Variants in TRAPPC9 observed in about 807,000 individuals in gnomAD.
The protein encoded by TRAPPC9 is trafficking protein particle complex subunit 9, also known as IKK2 binding protein.
TRAPPC9 carries 83 observed loss-of-function variants against 124.0 expected under a neutral mutation model. That is an observed-to-expected ratio of 0.67 (90% CI 0.56 to 0.80). The LOEUF (loss-of-function observed/expected upper bound fraction) is 0.80, where lower values mean the gene tolerates loss of function less well. TRAPPC9 is among the 30% of genes least tolerant of loss of function. The probability of loss-of-function intolerance (pLI) is 0.00; values close to 1 mark genes in which losing one functional copy is unlikely to be tolerated. For synonymous variants in TRAPPC9, 638 were observed against 617.5 expected, an observed-to-expected ratio of 1.03 and a Z score of -0.49; for missense variants, 1,302 against 1,508.3, an observed-to-expected ratio of 0.86 and a Z score of 2.27.
At chr8:140,202,599 C>G (rs1272812872) in intron 17 of TRAPPC9, among the ~76,000 whole-genome samples, 1 of 152,118 alleles carries the variant, frequency 6.6e-6, no homozygotes, top group Non-Finnish European at 1.5e-5. Context: ...TTAAATCAGG[C>G]AAAGATTATC....
chr8:140,006,111 C>A (rs1838730714), intron 18 of TRAPPC9, among the ~76,000 whole-genome samples: 1 of 152,110 alleles, frequency 6.6e-6, no homozygotes, highest in African/African-American at 2.4e-5. Context: ...TGAGTCAACA[C>A]ATGGCTATTC....
chr8:140,413,716 T>A (rs2069792804), intron 5 of TRAPPC9, among the ~76,000 whole-genome samples: 1 of 139,256 alleles, frequency 7.2e-6, no homozygotes, highest in East Asian at 2.3e-4. Flanking sequence ...TGTGTCCATA[T>A]GTTCTCATTG....
rs530201993 is a variant in TRAPPC9, at chr8:139,730,729, C to A, written c.*332G>T. 2.6e-6 allele frequency: 1 copy of A among 380,346 alleles called. No homozygotes were observed. The highest frequency in any genetic ancestry group is 4.9e-6 in the Non-Finnish European group (1 of 203,256). 23.6% of individuals were successfully genotyped at this position (380,346 alleles called of 1,614,324 possible). A position where few individuals can be genotyped will look rare whatever the true frequency, so the allele number is the denominator to read the frequency against. ...CTCTGCTGGGATGAGCAGCACAGCA[C>A]GGCTGGGGCCCCAGGTCACAGAAAT... On this transcript the variant is annotated 3_prime_UTR_variant, in exon 23 of 23. Coordinates refer to ENST00000438773, the MANE Select transcript of TRAPPC9 (RefSeq NM_001160372.4).
intron 21 of TRAPPC9, among the ~76,000 whole-genome samples, chr8:139,768,387 C>T (rs963678893): frequency 9.9e-5 from 15 of 152,176 alleles, no homozygotes; most frequent in Middle Eastern, 3.2e-3. Context: ...ACTGGGGGCA[C>T]GGGGCAGGCA....
intron 21 of TRAPPC9, among the ~76,000 whole-genome samples, chr8:139,835,442 G>A (rs1826269446): frequency 6.6e-6 from 1 of 152,236 alleles, no homozygotes; most frequent in Non-Finnish European, 1.5e-5. Flanking sequence ...GCCCCATTGT[G>A]TCACTGTGAT....
In TRAPPC9 at chr8:139,789,470, TC is replaced by T. The variant is rs972203372; in HGVS notation, c.3056-57269del. Among the ~76,000 whole-genome samples the T allele has an allele frequency of 2.2e-3, 327 of 151,072 alleles. 1 individual carries two copies. The highest frequency in any genetic ancestry group is 7.5e-3 in the African/African-American group (310 of 41,104). ...ACATGCCTGTTTAGATGTGGCCTCA[TC>T]CCCCCCCAGGATATCTACATCTCAG... is the stretch of plus-strand genomic sequence containing the variant. On this transcript the variant is annotated intron_variant, in intron 21 of 22. Transcript: ENST00000438773.
intron 17 of TRAPPC9, among the ~76,000 whole-genome samples, chr8:140,220,515 G>T (rs2063314483): frequency 6.6e-6 from 1 of 152,190 alleles, no homozygotes; most frequent in Non-Finnish European, 1.5e-5. Context: ...CCCAAAAGGG[G>T]AGAGGACTCT....
intron 17 of TRAPPC9, among the ~76,000 whole-genome samples, chr8:140,131,589 G>A (rs1170712948): frequency 4.6e-5 from 7 of 152,182 alleles, no homozygotes; most frequent in Admixed American, 1.3e-4. Context: ...ACTGCACACC[G>A]CTTCTCCTAG....
At chr8:139,998,931 T>A (rs1027121725) in intron 18 of TRAPPC9, among the ~76,000 whole-genome samples, 1 of 152,122 alleles carries the variant, frequency 6.6e-6, no homozygotes, top group Admixed American at 6.5e-5. Context: ...TGTGAAAACC[T>A]AAGAGCACTT....
chr8:139,880,136 C>T (rs1006769667), intron 21 of TRAPPC9, among the ~76,000 whole-genome samples: 4 of 152,188 alleles, frequency 2.6e-5, no homozygotes, highest in Non-Finnish European at 5.9e-5. Flanking sequence ...AAATGGAAAA[C>T]CCCCACATGG....
At chr8:140,195,951 T>C (rs11778955) in intron 17 of TRAPPC9, among the ~76,000 whole-genome samples, 1,306 of 83,726 alleles carry the variant, frequency 0.016, 1 homozygote, top group Middle Eastern at 0.058. Flanking sequence ...ACCTGTGACA[T>C]TAAAACACAC....
chr8:140,049,988 G>A (rs1841880945), intron 17 of TRAPPC9, among the ~76,000 whole-genome samples: 2 of 152,246 alleles, frequency 1.3e-5, no homozygotes, highest in African/African-American at 2.4e-5. Context: ...ATGCAGGTGT[G>A]AGCGGTGACT....
chr8:140,400,403 T>G (rs1398795968), intron 6 of TRAPPC9, among the ~76,000 whole-genome samples: 1 of 152,250 alleles, frequency 6.6e-6, no homozygotes, highest in East Asian at 1.9e-4. Flanking sequence ...GCTATCCATT[T>G]CTGCTTATCA....
At chr8:140,417,039 T>A (rs1185201906) in intron 5 of TRAPPC9, among the ~76,000 whole-genome samples, 1 of 152,232 alleles carries the variant, frequency 6.6e-6, no homozygotes, top group East Asian at 1.9e-4. Context: ...AAACTGGACC[T>A]CTTCCTTACA....
intron 17 of TRAPPC9, among the ~76,000 whole-genome samples, chr8:140,127,200 T>C (rs1037893147): frequency 6.6e-6 from 1 of 152,206 alleles, no homozygotes; most frequent in African/African-American, 2.4e-5. Flanking sequence ...CTCTCAAACA[T>C]GCAGGTTTGG....
intron 16 of TRAPPC9, among the ~76,000 whole-genome samples, chr8:140,244,932 G>A (rs1026146337): frequency 1.7e-4 from 25 of 148,918 alleles, no homozygotes; most frequent in African/African-American, 6.0e-4. Context: ...TCAGCCTCCC[G>A]AGTACCTGGG....
At chr8:140,072,549 AGAGGAGGAG>A (rs144132936) in intron 17 of TRAPPC9, among the ~76,000 whole-genome samples, 1 of 115,652 alleles carries the variant, frequency 8.6e-6, no homozygotes. Flanking sequence ...AGGAGGAGGA[AGAGGAGGAG>A]GAGGAGGAGA....
chr8:139,776,764 T>C lies in TRAPPC9; in HGVS notation c.3056-44562A>G, dbSNP rs1362706018. Among the ~76,000 whole-genome samples the C allele has an allele frequency of 6.6e-6, 1 of 152,096 alleles. No homozygotes were observed. Among genetic ancestry groups the C allele is most frequent in the Non-Finnish European group, 1.5e-5 (1 of 68,004 alleles). ...CAGCTAACAAAAGGAATGATAAATC[T>C]TACCTGGGAAACGACTGCATAAGAA... On this transcript the variant is annotated intron_variant, in intron 21 of 22. Transcript: ENST00000438773. The surrounding 1 kb of genome is among the most constrained non-coding windows in gnomAD (Gnocchi z 4.1).
At chr8:140,109,033 T>C (rs539583062) in intron 17 of TRAPPC9, among the ~76,000 whole-genome samples, 47 of 152,322 alleles carry the variant, frequency 3.1e-4, no homozygotes, top group African/African-American at 1.1e-3. Context: ...CTACCCAAAA[T>C]ACTTTACTTT....
Sources: gnomAD v4.1 joint callset for allele counts (sites outside exome capture counted in the v4.1 genomes callset) on GRCh38, gnomAD v4.1.1 for gene constraint, Gnocchi (gnomAD v3.1) non-coding constraint, MANE v1.5 for transcripts, NCBI Gene and HGNC (gene_info 2026-07-23, HGNC 2026-07-21) for gene names.